Variants in ARF1 observed in about 807,000 individuals in gnomAD.
ARF1 encodes ARF GTPase 1.
A neutral mutation model predicts 18.0 loss-of-function variants in ARF1; 1 was observed. The ratio of observed to expected loss-of-function variants is 0.06; its 90% confidence interval spans 0.02 to 0.26. ARF1 has a LOEUF of 0.26. Ranked by LOEUF, ARF1 falls within the 10% of genes least tolerant of loss-of-function variation. ARF1 has a pLI of 1.00. For synonymous variants in ARF1, 112 were observed against 96.3 expected (o/e 1.16, Z -0.95); for missense variants, 73 against 247.2 (o/e 0.30, Z 4.73).
intron 1 of ARF1, among the ~76,000 whole-genome samples, chr1:228,088,511 T>C (rs548672072): frequency 6.6e-6 from 1 of 152,332 alleles, no homozygotes; most frequent in South Asian, 2.1e-4. Context: ...CCCAGACCTG[T>C]TATAAATATG....
intron 1 of ARF1, among the ~76,000 whole-genome samples, chr1:228,090,084 T>C (rs1435553674): frequency 3.9e-5 from 6 of 152,254 alleles, no homozygotes; most frequent in South Asian, 2.1e-4. Context: ...GGGAACGCAC[T>C]GCTAGCAGAT....
Position 228,097,271 on chromosome 1 carries a change from G to A in ARF1, c.148+9G>A. On this transcript the variant is annotated intron_variant, in intron 2 of 4. Coordinates refer to ENST00000272102, the MANE Select transcript of ARF1 (RefSeq NM_001658.4). The surrounding 1 kb of genome is among the most constrained non-coding windows in gnomAD (Gnocchi z 8.1). Reference sequence around the variant, plus strand: ...CACCATTCCCACCATAGGTGAGGTGGGGGCCAGCAGGGAGTGGGCTGGGCT... The same window carrying A: ...CACCATTCCCACCATAGGTGAGGTGAGGGCCAGCAGGGAGTGGGCTGGGCT... 4 of 1,609,312 alleles carry A rather than the reference G, an allele frequency of 2.5e-6. No homozygotes were observed. The highest frequency in any genetic ancestry group is 3.4e-6 in the Non-Finnish European group (4 of 1,177,014).
chr1:228,097,559 C>T lies in ARF1; in HGVS notation c.260-32C>T. ...ATAGATGCGGCAGGGGGGCTGTGTTCCCATGACCATTTGACACTGGCTGCC... is the reference window on the plus strand; with the variant it reads ...ATAGATGCGGCAGGGGGGCTGTGTTTCCATGACCATTTGACACTGGCTGCC... On this transcript the variant is annotated intron_variant, in intron 3 of 4. Transcript: ENST00000272102. The surrounding 1 kb of genome is among the most constrained non-coding windows in gnomAD (Gnocchi z 8.1). 1 of 1,614,086 alleles carries T rather than the reference C, an allele frequency of 6.2e-7. No homozygotes were observed. Among genetic ancestry groups the T allele is most frequent in the Non-Finnish European group, 8.5e-7 (1 of 1,179,998 alleles).
intron 1 of ARF1, among the ~76,000 whole-genome samples, chr1:228,093,082 ATCC>A (rs964135584): frequency 6.2e-4 from 95 of 152,164 alleles, no homozygotes; most frequent in Non-Finnish European, 1.8e-4. Context: ...GGCTCCTGGC[ATCC>A]TCCTGCTGGG....
chr1:228,096,213 G>A (rs1362259689), intron 1 of ARF1, among the ~76,000 whole-genome samples: 2 of 152,248 alleles, frequency 1.3e-5, no homozygotes, highest in Non-Finnish European at 2.9e-5. Flanking sequence ...TGGAACCCCT[G>A]GTGGAGGAGG....
intron 1 of ARF1, among the ~76,000 whole-genome samples, chr1:228,096,850 A>G (rs924936533): frequency 3.3e-5 from 5 of 152,224 alleles, no homozygotes; most frequent in African/African-American, 1.2e-4. Context: ...CTGTGGGGAC[A>G]GCTTCCCAAG....
intron 1 of ARF1, among the ~76,000 whole-genome samples, chr1:228,084,405 A>G (rs1003663801): frequency 1.3e-5 from 2 of 152,222 alleles, no homozygotes; most frequent in African/African-American, 4.8e-5. Flanking sequence ...AAATAAATCC[A>G]AATCACTGCA....
At chr1:228,086,471 G>A (rs1168713680) in intron 1 of ARF1, among the ~76,000 whole-genome samples, 3 of 151,462 alleles carry the variant, frequency 2.0e-5, no homozygotes, top group South Asian at 2.1e-4. Flanking sequence ...AGCAGAGATC[G>A]CGCCACTGCA....
chr1:228,082,903 C>A lies in ARF1; in HGVS notation c.-38+138C>A, dbSNP rs2032257498. The A allele has an allele frequency of 6.5e-6, 1 of 152,770 alleles. No individual in the cohort carries two copies. Among genetic ancestry groups the A allele is most frequent in the South Asian group, 1.9e-4 (1 of 5,324 alleles). The allele number at this position is 152,770 out of a possible 1,614,324, so 9.5% of individuals were successfully genotyped here. A position where few individuals can be genotyped will look rare whatever the true frequency, so the allele number is the denominator to read the frequency against. On this transcript the variant is annotated intron_variant, in intron 1 of 4. Transcript: ENST00000272102. This position sits in a 1 kb window ranked among gnomAD's most constrained non-coding sequence, Gnocchi z 6.1. ...GGCGGCGGCGGCGACAGGGCCGGGCCGGGGGCGGACGCAGACGGGCCGGGC... is the reference window on the plus strand; with the variant it reads ...GGCGGCGGCGGCGACAGGGCCGGGCAGGGGGCGGACGCAGACGGGCCGGGC...
At position 228,097,147 on chromosome 1, in the gene ARF1, C is replaced by G. The variant is rs771191633; in HGVS notation, c.33C>G (p.Gly11=). 1 of 1,612,490 alleles carries G rather than the reference C, an allele frequency of 6.2e-7. No homozygotes were observed. MGNIFANLFK[G]LFGKKEMRIL... is the part of the protein sequence containing the mutation. ...ACATCTTCGCCAACCTCTTCAAGGG[C>G]CTTTTTGGCAAAAAAGAAATGCGCA... The change falls in exon 2 of 5, where the codon GGC becomes GGG. Residue 11 remains glycine, a synonymous_variant. Transcript: ENST00000272102. This position sits in a 1 kb window ranked among gnomAD's most constrained non-coding sequence, Gnocchi z 8.1.
At position 228,089,363 on chromosome 1, in the gene ARF1, GT is replaced by G. The variant is rs1185186080; in HGVS notation, c.-38+6599del. The stretch of plus-strand genomic sequence containing the variant: ...CCTGCAAGGGCGGTGGCCTCCCAGG[GT>G]CTGTGGGGGGGCATCCCCGTCTCTT... On this transcript the variant is annotated intron_variant, in intron 1 of 4. Coordinates refer to ENST00000272102, the MANE Select transcript of ARF1 (RefSeq NM_001658.4). The surrounding 1 kb of genome is among the most constrained non-coding windows in gnomAD (Gnocchi z 4.1). 1.3e-5 allele frequency among the ~76,000 whole-genome samples: 2 copies of G among 152,168 alleles called. No individual in the cohort carries two copies. The highest frequency in any genetic ancestry group is 2.9e-5 in the Non-Finnish European group (2 of 68,038).
intron 1 of ARF1, among the ~76,000 whole-genome samples, chr1:228,087,931 G>A (rs568655334): frequency 1.3e-5 from 2 of 152,240 alleles, no homozygotes; most frequent in Non-Finnish European, 2.9e-5. Flanking sequence ...CACATCTGCA[G>A]ATGTGTACAG....
chr1:228,098,693 G>A lies in ARF1; in HGVS notation c.*680G>A, dbSNP rs1201183448. On this transcript the variant is annotated 3_prime_UTR_variant, in exon 5 of 5. Coordinates refer to ENST00000272102, the MANE Select transcript of ARF1 (RefSeq NM_001658.4). ...ACGGTTCCCAGGGGCCAGGCTGGGAGCCCACAGCCACCCCACTATGCCGCA... is the reference window on the plus strand; with the variant it reads ...ACGGTTCCCAGGGGCCAGGCTGGGAACCCACAGCCACCCCACTATGCCGCA... 1 of 152,700 alleles carries A rather than the reference G, an allele frequency of 6.5e-6. No individual in the cohort carries two copies. The highest frequency in any genetic ancestry group is 1.5e-5 in the Non-Finnish European group (1 of 68,072). 9.5% of individuals were successfully genotyped at this position (152,700 alleles called of 1,614,324 possible). A position where few individuals can be genotyped will look rare whatever the true frequency, so the allele number is the denominator to read the frequency against.
chr1:228,098,056 C>G lies in ARF1; in HGVS notation c.*43C>G. On this transcript the variant is annotated 3_prime_UTR_variant, in exon 5 of 5. Coordinates refer to ENST00000272102, the MANE Select transcript of ARF1 (RefSeq NM_001658.4). ...CTCACTCCTCTTGCCCTCTGCTTTA[C>G]TCTCATGTGGCAAACGTGCGGCTCG... The G allele has an allele frequency of 6.4e-7, 1 of 1,570,330 alleles. No homozygotes were observed. The highest frequency in any genetic ancestry group is 2.3e-5 in the East Asian group (1 of 44,270).
rs761594204 is a variant in ARF1 at position 228,089,322 on chromosome 1, C to G, written c.-38+6557C>G. Among the ~76,000 whole-genome samples the G allele has an allele frequency of 5.9e-5, 9 of 152,128 alleles. No homozygotes were observed. The highest frequency in any genetic ancestry group is 1.0e-4 in the Non-Finnish European group (7 of 68,016). On this transcript the variant is annotated intron_variant, in intron 1 of 4. Transcript: ENST00000272102. This position sits in a 1 kb window ranked among gnomAD's most constrained non-coding sequence, Gnocchi z 4.1. ...TCTCTCACCTAGGTCTGGAGTGCCT[C>G]CAGAAGCGAGGATTTCCTGCAAGGG...
intron 1 of ARF1, among the ~76,000 whole-genome samples, chr1:228,093,493 C>T (rs567665392): frequency 2.3e-4 from 35 of 152,158 alleles, no homozygotes; most frequent in South Asian, 6.2e-4. Flanking sequence ...ATGTGCTTGT[C>T]GGTAGGAGAG....
Position 228,098,104 on chromosome 1 carries a change from C to T in ARF1, c.*91C>T. 6.7e-6 allele frequency: 10 copies of T among 1,490,364 alleles called. No homozygotes were observed. Among genetic ancestry groups the T allele is most frequent in the Middle Eastern group, 2.4e-4 (1 of 4,122 alleles). The allele number at this position is 1,490,364 out of a possible 1,614,324, so 92.3% of individuals were successfully genotyped here. On this transcript the variant is annotated 3_prime_UTR_variant, in exon 5 of 5. Transcript: ENST00000272102. ...TCGTGGTGTGAGTGCCAGAAGCTGCCTCCGTGGTTTGGTCACCGTGTGCAT... is the reference window on the plus strand; with the variant it reads ...TCGTGGTGTGAGTGCCAGAAGCTGCTTCCGTGGTTTGGTCACCGTGTGCAT...
chr1:228,094,906 T>C (rs895745054), intron 1 of ARF1, among the ~76,000 whole-genome samples: 2 of 152,190 alleles, frequency 1.3e-5, no homozygotes, highest in Non-Finnish European at 2.9e-5. Context: ...TTGGGTCTCA[T>C]CTAGGTCCTT....
At position 228,083,146 on chromosome 1, in the gene ARF1, G is replaced by GAA. The variant is rs1340633626; in HGVS notation, c.-38+381_-38+382insAA. Reference sequence around the variant, plus strand: ...CGCCTCTGCCTTTCTCGTTTCCCGAGGCCGCCCGCGCGTGGACGGTTGGGA... The same window carrying GAA: ...CGCCTCTGCCTTTCTCGTTTCCCGAGAAGCCGCCCGCGCGTGGACGGTTGGGA... On this transcript the variant is annotated intron_variant, in intron 1 of 4. Coordinates refer to ENST00000272102, the MANE Select transcript of ARF1 (RefSeq NM_001658.4). 9 of 152,234 alleles carry GAA rather than the reference G, an allele frequency of 5.9e-5. 1 individual carries two copies. The highest frequency in any genetic ancestry group is 2.2e-4 in the African/African-American group (9 of 41,444). The allele number at this position is 152,234 out of a possible 1,614,324, so 9.4% of individuals were successfully genotyped here.
Sources: allele counts gnomAD v4.1 joint callset (sites outside exome capture counted in the v4.1 genomes callset), GRCh38; gene constraint gnomAD v4.1.1; non-coding constraint Gnocchi (gnomAD v3.1); transcripts MANE v1.5; gene names NCBI Gene and HGNC (gene_info 2026-07-23, HGNC 2026-07-21).